Variants in XPO6 observed in about 807,000 individuals in gnomAD.
XPO6 encodes the protein exportin-6.
A neutral mutation model predicts 130.0 loss-of-function variants in XPO6; 3 were observed. The ratio of observed to expected loss-of-function variants is 0.02; its 90% CI spans 0.01 to 0.06. XPO6 has a LOEUF of 0.06. Ranked by LOEUF, XPO6 falls within the 10% of genes least tolerant of loss-of-function variation. XPO6 has a pLI of 1.00. For synonymous variants in XPO6, 524 were observed against 548.9 expected (o/e 0.95, Z 0.63); for missense variants, 970 against 1,393.0 (o/e 0.70, Z 4.83).
chr16:28,117,601 A>G (rs1174213825), intron 14 of XPO6, 139 bp from the exon 15 acceptor site: 1 of 1,074,906 alleles, frequency 9.3e-7, no homozygotes, highest in African/African-American at 1.6e-5. Flanking sequence ...GAAATCATTT[A>G]CCGGTTCACG....
At chr16:28,130,666 T>C (rs973404091) in intron 12 of XPO6, among the ~76,000 whole-genome samples, 1 of 152,210 alleles carries the variant, frequency 6.6e-6, no homozygotes, top group Non-Finnish European at 1.5e-5. Context: ...ATGAGATTTA[T>C]AAATGATCCG....
chr16:28,196,638 G>A (rs745448774), intron 1 of XPO6, among the ~76,000 whole-genome samples: 2 of 152,198 alleles, frequency 1.3e-5, no homozygotes, highest in Non-Finnish European at 2.9e-5. Context: ...GTTGGAAGCA[G>A]GGCCTAATGA....
chr16:28,108,299 G>A (rs1314506650), intron 17 of XPO6, among the ~76,000 whole-genome samples: 4 of 152,206 alleles, frequency 2.6e-5, no homozygotes, highest in Non-Finnish European at 5.9e-5. Flanking sequence ...TGCTAACCCT[G>A]AGATGACTTT....
chr16:28,098,671 A>C, intron 23 of XPO6, 32 bp from the exon 24 acceptor site: 5 of 1,556,006 alleles, frequency 3.2e-6, no homozygotes, highest in Non-Finnish European at 4.4e-6. Context: ...GCAGCCAACA[A>C]CACACCAGGT....
intron 1 of XPO6, among the ~76,000 whole-genome samples, chr16:28,205,573 T>G (rs544276612): frequency 8.3e-4 from 127 of 152,282 alleles, no homozygotes; most frequent in Non-Finnish European, 1.6e-3. Flanking sequence ...TCTCTTGTAT[T>G]TTCAGAGTAT....
chr16:28,165,350 A>T (rs184950469), intron 6 of XPO6: 1 of 152,382 alleles, frequency 6.6e-6, no homozygotes, highest in East Asian at 1.9e-4. Flanking sequence ...ATCTCCAGAT[A>T]CCGCAACATA....
intron 1 of XPO6, among the ~76,000 whole-genome samples, chr16:28,207,054 C>CT (rs140133507): frequency 0.019 from 2,922 of 152,214 alleles, 95 homozygotes; most frequent in African/African-American, 0.067. Context: ...CGAGACCAGC[C>CT]TGACCAACGT....
chr16:28,121,788 A>T, intron 13 of XPO6, 26 bp from the exon 14 acceptor site: 1 of 1,495,892 alleles, frequency 6.7e-7, no homozygotes, highest in Admixed American at 1.7e-5. Flanking sequence ...CAGGTAAACA[A>T]GAACATTCAG....
chr16:28,186,935 C>T (rs2043705202), intron 1 of XPO6, among the ~76,000 whole-genome samples: 1 of 152,154 alleles, frequency 6.6e-6, no homozygotes, highest in Non-Finnish European at 1.5e-5. Flanking sequence ...ACTGATATTG[C>T]TTAAATTAAG....
In XPO6 at chr16:28,155,757, T is replaced by G. The variant is rs554187651; in HGVS notation, c.1097+317A>C. On this transcript the variant is annotated intron_variant, in intron 7 of 23. Coordinates refer to ENST00000304658, the MANE Select transcript of XPO6 (RefSeq NM_015171.4). ...ACGCAGGAGCAGCAGTCTCAGTCCC[T>G]GCACCACCTCAGACCTGCAAGCAAA... is the stretch of plus-strand genomic sequence containing the variant. 7 of 306,278 alleles carry G rather than the reference T, an allele frequency of 2.3e-5. No homozygotes were observed. In the East Asian group the frequency reaches 5.7e-4, roughly 25 times the overall value. 19.0% of individuals were successfully genotyped at this position (306,278 alleles called of 1,614,324 possible). A position where few individuals can be genotyped will look rare whatever the true frequency, so the allele number is the denominator to read the frequency against.
intron 16 of XPO6, among the ~76,000 whole-genome samples, chr16:28,112,315 T>C (rs1596795319): frequency 6.6e-6 from 1 of 152,180 alleles, no homozygotes; most frequent in Non-Finnish European, 1.5e-5. Flanking sequence ...TCAGGCATTG[T>C]TCAGCTGGTG....
rs2086645278 is a variant in XPO6, at chr16:28,101,063, C to T, written c.3276+395G>A. On this transcript the variant is annotated intron_variant, in intron 23 of 23. Coordinates refer to ENST00000304658, the MANE Select transcript of XPO6 (RefSeq NM_015171.4). This position sits in a 1 kb window ranked among gnomAD's most constrained non-coding sequence, Gnocchi z 5.4. ...TAACCCTGGGGACCCAGAAGTGCAG[C>T]TCCCAAGCACCAACCATCTCAGCCT... is the stretch of plus-strand genomic sequence containing the variant. 1 of 306,538 alleles carries T rather than the reference C, an allele frequency of 3.3e-6. No homozygotes were observed. The highest frequency in any genetic ancestry group is 4.6e-5 in the Admixed American group (1 of 21,614). 19.0% of individuals were successfully genotyped at this position (306,538 alleles called of 1,614,324 possible). A position where few individuals can be genotyped will look rare whatever the true frequency, so the allele number is the denominator to read the frequency against.
intron 1 of XPO6, among the ~76,000 whole-genome samples, chr16:28,197,242 A>T: frequency 6.6e-6 from 1 of 151,896 alleles, no homozygotes; most frequent in Non-Finnish European, 1.5e-5. Flanking sequence ...ACAGAGAGAG[A>T]CTCTGACTCA....
chr16:28,143,786 G>A (rs1290581705), intron 9 of XPO6, among the ~76,000 whole-genome samples: 1 of 152,048 alleles, frequency 6.6e-6, no homozygotes, highest in East Asian at 1.9e-4. Context: ...ACAGATGCCT[G>A]CCACCACGCC....
chr16:28,140,268 A>G (rs1355685356), intron 9 of XPO6, among the ~76,000 whole-genome samples: 1 of 151,964 alleles, frequency 6.6e-6, no homozygotes, highest in Non-Finnish European at 1.5e-5. Context: ...AAATTAAACT[A>G]GAAAACAATA....
At chr16:28,142,469 A>G (rs533266705) in intron 9 of XPO6, among the ~76,000 whole-genome samples, 2 of 152,254 alleles carry the variant, frequency 1.3e-5, no homozygotes, top group Non-Finnish European at 2.9e-5. Flanking sequence ...CTACTGTCTT[A>G]GACCACTAAG....
intron 9 of XPO6, among the ~76,000 whole-genome samples, chr16:28,135,617 A>G (rs778142794): frequency 6.6e-6 from 1 of 152,126 alleles, no homozygotes; most frequent in African/African-American, 2.4e-5. Context: ...TTTGTCTCCT[A>G]TTAGTATAGT....
At chr16:28,162,941 T>C (rs1050035448) in intron 6 of XPO6, among the ~76,000 whole-genome samples, 1 of 152,196 alleles carries the variant, frequency 6.6e-6, no homozygotes, top group African/African-American at 2.4e-5. Flanking sequence ...ACTTAAGAGT[T>C]TTCCAACCTC....
At chr16:28,143,904 G>A (rs377743992) in intron 9 of XPO6, among the ~76,000 whole-genome samples, 24 of 152,196 alleles carry the variant, frequency 1.6e-4, no homozygotes, top group African/African-American at 4.6e-4. Flanking sequence ...TAAAGCGCTG[G>A]GATTACAGGC....
Sources: gnomAD v4.1 joint callset for allele counts (sites outside exome capture counted in the v4.1 genomes callset) on GRCh38, gnomAD v4.1.1 for gene constraint, Gnocchi (gnomAD v3.1) non-coding constraint, MANE v1.5 for transcripts, NCBI Gene and HGNC (gene_info 2026-07-23, HGNC 2026-07-21) for gene names.